Variants in MAN1A2 observed in about 807,000 individuals in gnomAD.
MAN1A2 encodes the protein mannosidase alpha class 1A member 2.
In MAN1A2, 26 loss-of-function variants were observed where a neutral mutation model predicts 75.7. The ratio of observed to expected loss-of-function variants is 0.34; its 90% CI spans 0.25 to 0.48. The LOEUF is 0.48. Ranked by LOEUF, MAN1A2 falls within the 20% of genes least tolerant of loss-of-function variation. The probability of loss-of-function intolerance (pLI) is 0.99; values close to 1 mark genes in which losing one functional copy is unlikely to be tolerated. For missense variants in MAN1A2, 562 were observed against 775.5 expected, an observed-to-expected ratio of 0.72 and a Z score of 3.27; for synonymous variants, 247 against 264.6, an observed-to-expected ratio of 0.93 and a Z score of 0.65.
At chr1:117,414,212 A>G (rs138420059) in intron 3 of MAN1A2, among the ~76,000 whole-genome samples, 35 of 151,346 alleles carry the variant, frequency 2.3e-4, no homozygotes, top group African/African-American at 8.5e-4. Flanking sequence ...CACTGTGGTT[A>G]TCCAGCCCTG....
intron 8 of MAN1A2, among the ~76,000 whole-genome samples, chr1:117,484,034 G>A (rs1013296589): frequency 3.3e-5 from 5 of 151,948 alleles, no homozygotes; most frequent in Admixed American, 1.3e-4. Context: ...ACACAGGGGG[G>A]TTAGAGTCAC....
At chr1:117,383,710 A>C (rs761524137) in intron 1 of MAN1A2, among the ~76,000 whole-genome samples, 3 of 152,018 alleles carry the variant, frequency 2.0e-5, no homozygotes, top group Admixed American at 6.6e-5. Flanking sequence ...TAGATTATCT[A>C]ATTTTTTGGT....
chr1:117,458,366 CAATG>C (rs1649669404), intron 6 of MAN1A2, among the ~76,000 whole-genome samples: 1 of 151,284 alleles, frequency 6.6e-6, no homozygotes, highest in Admixed American at 6.6e-5. Flanking sequence ...TAGCACCAAA[CAATG>C]AAGGAACTTT....
At chr1:117,445,882 G>GTATATATATATATATATATA (rs1224175021) in intron 6 of MAN1A2, among the ~76,000 whole-genome samples, 1 of 134,856 alleles carries the variant, frequency 7.4e-6, no homozygotes, top group Non-Finnish European at 1.6e-5. Flanking sequence ...GTCTGTGTGT[G>GTATATATATATATATATATA]TGTATATATA....
intron 12 of MAN1A2, among the ~76,000 whole-genome samples, chr1:117,511,518 G>A (rs1015185333): frequency 2.0e-5 from 3 of 151,752 alleles, no homozygotes; most frequent in Non-Finnish European, 4.4e-5. Context: ...TAGAATGTAA[G>A]CCTCATAGCC....
At chr1:117,386,145 GT>G (rs1369168351) in intron 1 of MAN1A2, among the ~76,000 whole-genome samples, 4 of 152,214 alleles carry the variant, frequency 2.6e-5, no homozygotes, top group Non-Finnish European at 4.4e-5. Flanking sequence ...ATTCCTGAAT[GT>G]TTTGGCAGCT....
chr1:117,369,050 T>G (rs1461095065), intron 1 of MAN1A2, among the ~76,000 whole-genome samples: 2 of 152,320 alleles, frequency 1.3e-5, no homozygotes, highest in Middle Eastern at 3.4e-3. Context: ...GTTCTTTTTT[T>G]GGGGATGTGT....
chr1:117,445,860 A>C (rs6677348), intron 6 of MAN1A2, among the ~76,000 whole-genome samples: 21,746 of 56,154 alleles, frequency 0.39, 3,303 homozygotes, highest in Non-Finnish European at 0.47. Flanking sequence ...GTGTGTGTGT[A>C]TGTGTGTGTG....
intron 8 of MAN1A2, among the ~76,000 whole-genome samples, chr1:117,488,426 C>T (rs1276327630): frequency 6.6e-6 from 1 of 151,934 alleles, no homozygotes; most frequent in Non-Finnish European, 1.5e-5. Context: ...GAACTCCTGA[C>T]CTCAAGTGAT....
chr1:117,425,344 C>T (rs1235674664), intron 5 of MAN1A2, among the ~76,000 whole-genome samples: 1 of 152,116 alleles, frequency 6.6e-6, no homozygotes, highest in Non-Finnish European at 1.5e-5. Context: ...TTTTTCAGCT[C>T]ATTCTATGAG....
chr1:117,368,426 T>C lies in MAN1A2; in HGVS notation c.243T>C (p.Gly81=), dbSNP rs1184960067. The change falls in exon 1 of 13, where the codon GGT becomes GGC. Residue 81 remains glycine (G), a synonymous_variant. Transcript: ENST00000356554. ...TGTTAATTCCACATGTAGATGCCGG[T>C]AAAGGGGCTAAAAACCCCGGAGTCT... ...EDVLIPHVDA[G]KGAKNPGVFL... is the part of the protein sequence containing the mutation. The C allele has an allele frequency of 1.1e-5, 18 of 1,613,990 alleles. No homozygotes were observed. Among genetic ancestry groups the C allele is most frequent in the Non-Finnish European group, 1.5e-5 (18 of 1,179,996 alleles).
intron 12 of MAN1A2, among the ~76,000 whole-genome samples, chr1:117,508,093 G>A (rs935863865): frequency 2.0e-5 from 3 of 151,600 alleles, no homozygotes; most frequent in African/African-American, 7.3e-5. Flanking sequence ...AACTTTGAAG[G>A]TGTGTATTAT....
At position 117,460,480 on chromosome 1, in the gene MAN1A2, T is replaced by G; in HGVS notation, c.951-9T>G. ...CCTGTGTCTCCTTTTACTTTTCCTT[T>G]TCATTCAGTGGAGTAGGGCGAAACT... is the stretch of plus-strand genomic sequence containing the variant. On this transcript the variant is annotated splice_polypyrimidine_tract_variant and intron_variant, in intron 6 of 12. Coordinates refer to ENST00000356554, the MANE Select transcript of MAN1A2 (RefSeq NM_006699.5). 1 of 1,598,534 alleles carries G rather than the reference T, an allele frequency of 6.3e-7. No individual in the cohort carries two copies. Among genetic ancestry groups the G allele is most frequent in the Non-Finnish European group, 8.5e-7 (1 of 1,174,742 alleles).
intron 5 of MAN1A2, among the ~76,000 whole-genome samples, chr1:117,428,046 A>G (rs2101790216): frequency 6.6e-6 from 1 of 152,260 alleles, no homozygotes; most frequent in East Asian, 1.9e-4. Flanking sequence ...TTAAAGAAAA[A>G]TATTGCAGAC....
chr1:117,487,374 G>A (rs1650744557), intron 8 of MAN1A2, among the ~76,000 whole-genome samples: 1 of 152,002 alleles, frequency 6.6e-6, no homozygotes, highest in Admixed American at 6.6e-5. Flanking sequence ...TAAGGAGGGA[G>A]GGGTGACTCA....
At chr1:117,385,945 G>A (rs1246761253) in intron 1 of MAN1A2, among the ~76,000 whole-genome samples, 2 of 152,176 alleles carry the variant, frequency 1.3e-5, no homozygotes, top group Non-Finnish European at 2.9e-5. Context: ...GGATGTGTCT[G>A]CTTCCAGAGT....
chr1:117,509,064 A>T (rs937442540), intron 12 of MAN1A2, among the ~76,000 whole-genome samples: 5 of 151,706 alleles, frequency 3.3e-5, no homozygotes, highest in Admixed American at 6.6e-5. Context: ...ATGGCATGAT[A>T]CAAAACCCAA....
intron 11 of MAN1A2, 73 bp from the exon 12 acceptor site, chr1:117,502,782 C>A: frequency 1.3e-6 from 1 of 742,508 alleles, no homozygotes; most frequent in South Asian, 1.6e-5. Flanking sequence ...TGACTATTGT[C>A]CTTCAAAGTT....
chr1:117,407,699 T>C (rs897602714), intron 3 of MAN1A2, among the ~76,000 whole-genome samples: 6 of 152,192 alleles, frequency 3.9e-5, no homozygotes, highest in African/African-American at 1.4e-4. Context: ...CATTGCAAAA[T>C]GGCTTAAACT....
Sources: allele counts gnomAD v4.1 joint callset (sites outside exome capture counted in the v4.1 genomes callset), GRCh38; gene constraint gnomAD v4.1.1; transcripts MANE v1.5; gene names NCBI Gene and HGNC (gene_info 2026-07-23, HGNC 2026-07-21).